The following TSHZ2 variants were observed in gnomAD, a reference collection of about 807,000 sequenced individuals.
TSHZ2 encodes teashirt zinc finger homeobox 2, also known as teashirt homolog 2.
A neutral mutation model predicts 74.4 loss-of-function variants in TSHZ2; 21 were observed. The ratio of observed to expected loss-of-function variants is 0.28; its 90% CI spans 0.20 to 0.41. The LOEUF (loss-of-function observed/expected upper bound fraction) is 0.41. Among genes scored for constraint, TSHZ2 ranks in the 10% least tolerant of loss-of-function variants. The pLI, the probability that TSHZ2 is intolerant of heterozygous loss-of-function variation, is 1.00. For synonymous variants in TSHZ2, 540 were observed against 515.3 expected, an observed-to-expected ratio of 1.05 and a Z score of -0.65; for missense variants, 1,244 against 1,293.5, an observed-to-expected ratio of 0.96 and a Z score of 0.59.
intron 2 of TSHZ2, among the ~76,000 whole-genome samples, chr20:53,355,466 A>C (rs1272515392): frequency 6.6e-6 from 1 of 152,232 alleles, no homozygotes; most frequent in Non-Finnish European, 1.5e-5. Flanking sequence ...TATTATAATG[A>C]TAAACTTCAA....
intron 1 of TSHZ2, among the ~76,000 whole-genome samples, chr20:53,051,457 G>GCACACACA (rs11474223): frequency 0.13 from 18,739 of 144,794 alleles, 1,492 homozygotes; most frequent in East Asian, 0.24. Flanking sequence ...TGTGGCGCAC[G>GCACACACA]CACACACACA....
intron 1 of TSHZ2, among the ~76,000 whole-genome samples, chr20:52,974,475 A>G (rs531434836): frequency 6.6e-6 from 1 of 152,214 alleles, no homozygotes; most frequent in African/African-American, 2.4e-5. Flanking sequence ...CTTTAGTTGA[A>G]TCAGGGCTTT....
chr20:53,308,945 T>C (rs1395736644), intron 2 of TSHZ2, among the ~76,000 whole-genome samples: 1 of 152,122 alleles, frequency 6.6e-6, no homozygotes, highest in African/African-American at 2.4e-5. Flanking sequence ...GGGCAGCAGT[T>C]GGGGAAGAGG....
At chr20:53,424,121 A>G (rs1456953181) in intron 2 of TSHZ2, among the ~76,000 whole-genome samples, 1 of 152,240 alleles carries the variant, frequency 6.6e-6, no homozygotes, top group African/African-American at 2.4e-5. Flanking sequence ...TCTCAGCAGT[A>G]CTGACATTTG....
chr20:53,193,156 A>G (rs571483795), intron 1 of TSHZ2, among the ~76,000 whole-genome samples: 55 of 151,570 alleles, frequency 3.6e-4, no homozygotes, highest in African/African-American at 1.2e-3. Context: ...AAAGGGTTTT[A>G]AAAATACTTT....
chr20:53,220,557 CTTT>C (rs1989530056), intron 1 of TSHZ2, among the ~76,000 whole-genome samples: 1 of 152,180 alleles, frequency 6.6e-6, no homozygotes, highest in Non-Finnish European at 1.5e-5. Context: ...AGCTGTGCCC[CTTT>C]ATTGATGCAT....
chr20:53,004,569 C>T (rs992704491), intron 1 of TSHZ2, among the ~76,000 whole-genome samples: 5 of 152,194 alleles, frequency 3.3e-5, no homozygotes, highest in South Asian at 2.1e-4. Context: ...CCAGACCTGC[C>T]GGGAAAAGCA....
At chr20:53,142,938 T>C (rs1987442876) in intron 1 of TSHZ2, among the ~76,000 whole-genome samples, 2 of 152,200 alleles carry the variant, frequency 1.3e-5, no homozygotes, top group Non-Finnish European at 2.9e-5. Flanking sequence ...GCTGGTGTCC[T>C]GTCACATTGC....
At chr20:53,405,727 G>A (rs965116605) in intron 2 of TSHZ2, among the ~76,000 whole-genome samples, 3 of 152,198 alleles carry the variant, frequency 2.0e-5, no homozygotes, top group Non-Finnish European at 4.4e-5. Context: ...CAGGTATGGT[G>A]GCTTATGCCA....
intron 1 of TSHZ2, among the ~76,000 whole-genome samples, chr20:53,035,747 A>C (rs1163176661): frequency 1.3e-5 from 2 of 152,212 alleles, no homozygotes; most frequent in African/African-American, 4.8e-5. Flanking sequence ...ATCTCTATAA[A>C]AGAAAGCAGA....
intron 2 of TSHZ2, among the ~76,000 whole-genome samples, chr20:53,469,177 T>C (rs1455849962): frequency 6.6e-6 from 1 of 150,446 alleles, no homozygotes; most frequent in Non-Finnish European, 1.5e-5. Context: ...GAGGTTTTTT[T>C]CTCTGTAATA....
chr20:53,443,548 C>T (rs1165340625), intron 2 of TSHZ2, among the ~76,000 whole-genome samples: 1 of 152,186 alleles, frequency 6.6e-6, no homozygotes, highest in African/African-American at 2.4e-5. Context: ...ATCCATGAGC[C>T]CTGGGTGGCC....
chr20:53,109,104 T>G (rs1326507172), intron 1 of TSHZ2, among the ~76,000 whole-genome samples: 1 of 146,430 alleles, frequency 6.8e-6, no homozygotes, highest in East Asian at 2.0e-4. Context: ...CATACAAACA[T>G]TCTCAAATCT....
In TSHZ2 at chr20:53,323,464, A is replaced by G. The variant is rs551586692; in HGVS notation, c.*8+66893A>G. On this transcript the variant is annotated intron_variant, in intron 2 of 2. Transcript: ENST00000371497. The stretch of plus-strand genomic sequence containing the variant: ...AAGTTTAAAGTTTTAATGGAAAAAG[A>G]AATAGGTGAATAAATAAATAAGTGA... Among the ~76,000 whole-genome samples, 5 of 149,628 alleles carry G rather than the reference A, an allele frequency of 3.3e-5. No individual in the cohort carries two copies. The South Asian group carries it at 1.1e-3, about 32-fold the overall frequency.
intron 1 of TSHZ2, among the ~76,000 whole-genome samples, chr20:53,053,279 ATTCATTTG>A (rs1186194343): frequency 6.6e-6 from 1 of 152,166 alleles, no homozygotes; most frequent in Non-Finnish European, 1.5e-5. Context: ...TTATTTATTC[ATTCATTTG>A]TTCATTTGTT....
intron 2 of TSHZ2, among the ~76,000 whole-genome samples, chr20:53,441,228 TTA>T (rs749769821): frequency 0.16 from 12,758 of 77,714 alleles, 1,290 homozygotes; most frequent in African/African-American, 0.38. Context: ...TTTGTTTATT[TTA>T]TTTTATTTTA....
intron 2 of TSHZ2, among the ~76,000 whole-genome samples, chr20:53,337,200 T>C (rs1979986645): frequency 1.3e-5 from 2 of 152,186 alleles, no homozygotes; most frequent in South Asian, 4.1e-4. Flanking sequence ...ATTCAACGGA[T>C]TGAATTCTCC....
At chr20:53,237,765 C>A (rs1049829014) in intron 1 of TSHZ2, among the ~76,000 whole-genome samples, 1 of 152,042 alleles carries the variant, frequency 6.6e-6, no homozygotes, top group African/African-American at 2.4e-5. Context: ...TGTATATGGA[C>A]GATTTAAAGC....
chr20:53,038,020 C>G (rs530262303), intron 1 of TSHZ2, among the ~76,000 whole-genome samples: 1 of 151,872 alleles, frequency 6.6e-6, no homozygotes, highest in East Asian at 2.0e-4. Context: ...CAAGCTTGGA[C>G]AGCGTGTTTA....
Sources: allele counts gnomAD v4.1 joint callset (sites outside exome capture counted in the v4.1 genomes callset), GRCh38; gene constraint gnomAD v4.1.1; transcripts MANE v1.5; gene names NCBI Gene and HGNC (gene_info 2026-07-23, HGNC 2026-07-21).